The following PCTP variants were observed in gnomAD, a reference collection of about 807,000 sequenced individuals.
The protein encoded by PCTP is START domain-containing protein 2.
In PCTP, 27 loss-of-function variants were observed where a neutral mutation model predicts 31.0. The ratio of observed to expected loss-of-function variants is 0.87; its 90% CI spans 0.64 to 1.20. The LOEUF is 1.20. PCTP is among the 50% of genes most tolerant of loss of function. The pLI, the probability that PCTP is intolerant of heterozygous loss-of-function variation, is 0.00. For missense variants in PCTP, 287 were observed against 268.2 expected, an observed-to-expected ratio of 1.07 and a Z score of -0.49; for synonymous variants, 108 against 101.2, an observed-to-expected ratio of 1.07 and a Z score of -0.40.
intron 1 of PCTP, among the ~76,000 whole-genome samples, chr17:55,766,418 C>T (rs1221167539): frequency 8.3e-6 from 1 of 120,254 alleles, no homozygotes; most frequent in African/African-American, 3.2e-5. Flanking sequence ...CCCCTCCCCC[C>T]ACCCCACAAC....
intron 1 of PCTP, among the ~76,000 whole-genome samples, chr17:55,752,977 C>T (rs1196958630): frequency 6.6e-6 from 1 of 152,186 alleles, no homozygotes; most frequent in Non-Finnish European, 1.5e-5. Context: ...CTCCTGGGCT[C>T]AAGCAGTCCT....
At chr17:55,794,350 T>G (rs543004199) in intron 3 of PCTP, among the ~76,000 whole-genome samples, 15 of 152,056 alleles carry the variant, frequency 9.9e-5, no homozygotes, top group African/African-American at 3.4e-4. Flanking sequence ...TTATATGGAG[T>G]ATATTTATAT....
chr17:55,823,499 T>C (rs1284243452), downstream of PCTP, among the ~76,000 whole-genome samples: 1 of 152,218 alleles, frequency 6.6e-6, no homozygotes, highest in East Asian at 1.9e-4. Context: ...TTCTTCTCCC[T>C]GTCTTCTCAT....
chr17:55,828,515 C>T (rs1167505578), intron 5 of PCTP, among the ~76,000 whole-genome samples: 1 of 152,218 alleles, frequency 6.6e-6, no homozygotes, highest in Admixed American at 6.5e-5. Flanking sequence ...ATTTCCAAAT[C>T]TCCTCTTTTT....
intron 3 of PCTP, among the ~76,000 whole-genome samples, chr17:55,814,383 G>A (rs570346972): frequency 6.6e-6 from 1 of 152,196 alleles, no homozygotes; most frequent in African/African-American, 2.4e-5. Flanking sequence ...GGAGAACCAA[G>A]GTGAAAAAAT....
downstream of PCTP, among the ~76,000 whole-genome samples, chr17:55,824,975 A>G (rs1316567624): frequency 6.6e-6 from 1 of 152,206 alleles, no homozygotes; most frequent in Non-Finnish European, 1.5e-5. Flanking sequence ...GGGATCTGGG[A>G]GAAAAAATAA....
intron 1 of PCTP, among the ~76,000 whole-genome samples, chr17:55,754,306 C>T (rs181137582): frequency 6.1e-4 from 93 of 152,350 alleles, no homozygotes; most frequent in Non-Finnish European, 1.0e-3. Context: ...CCATGACCCC[C>T]TCCTTGGATT....
At chr17:55,787,125 C>T (rs1037963551) in intron 2 of PCTP, among the ~76,000 whole-genome samples, 4 of 151,516 alleles carry the variant, frequency 2.6e-5, no homozygotes, top group Non-Finnish European at 2.9e-5. Flanking sequence ...CTCCGAACAT[C>T]GATCGTCTTC....
intron 3 of PCTP, among the ~76,000 whole-genome samples, chr17:55,819,803 A>G (rs1190036090): frequency 2.0e-5 from 3 of 152,214 alleles, no homozygotes; most frequent in Non-Finnish European, 4.4e-5. Context: ...ATGGTGTTGT[A>G]CTGGCATGAG....
At chr17:55,751,394 C>G (rs777574086) in intron 1 of PCTP, 150 bp downstream of exon 1, 3 of 1,534,118 alleles carry the variant, frequency 2.0e-6, no homozygotes, top group Non-Finnish European at 2.6e-6. Context: ...GTCTCAAGCT[C>G]TGGAGCTAGC....
At chr17:55,763,820 C>A (rs1910478385) in intron 1 of PCTP, among the ~76,000 whole-genome samples, 2 of 151,990 alleles carry the variant, frequency 1.3e-5, no homozygotes, top group Admixed American at 6.6e-5. Context: ...TTGCTGAGAT[C>A]CTTTTTAAAA....
chr17:55,827,531 G>A (rs1905440485), downstream of PCTP, among the ~76,000 whole-genome samples: 2 of 152,196 alleles, frequency 1.3e-5, no homozygotes, highest in South Asian at 2.1e-4. Context: ...GTTACACAGC[G>A]TTAGCTGAAA....
At chr17:55,783,514 C>A (rs1161480067) in intron 2 of PCTP, among the ~76,000 whole-genome samples, 2 of 152,116 alleles carry the variant, frequency 1.3e-5, no homozygotes, top group Non-Finnish European at 2.9e-5. Flanking sequence ...CAATGGAAAC[C>A]AATCAGGACA....
chr17:55,781,031 T>A (rs1169945373), downstream of PCTP, among the ~76,000 whole-genome samples: 4 of 145,252 alleles, frequency 2.8e-5, no homozygotes, highest in East Asian at 6.0e-4. Flanking sequence ...AAAAAAAAAA[T>A]AGCAGCTTTG....
intron 5 of PCTP, among the ~76,000 whole-genome samples, chr17:55,828,803 T>G (rs1308770063): frequency 6.6e-6 from 1 of 152,124 alleles, no homozygotes; most frequent in Non-Finnish European, 1.5e-5. Flanking sequence ...GCGGGCCTAC[T>G]GAAAAGTGGG....
At chr17:55,851,881 T>C in the PCTP span, among the ~76,000 whole-genome samples, 3 of 152,320 alleles carry the variant, frequency 2.0e-5, no homozygotes, top group Admixed American at 2.0e-4. Flanking sequence ...AAAATCACTG[T>C]ATGTACTATC....
intron 5 of PCTP, among the ~76,000 whole-genome samples, chr17:55,831,355 G>A (rs1389682202): frequency 6.6e-6 from 1 of 152,140 alleles, no homozygotes; most frequent in Non-Finnish European, 1.5e-5. Context: ...TGAAGCAAAG[G>A]CACCACTTTG....
Position 55,813,791 on chromosome 17 carries a change from C to G in PCTP, c.318-8970C>G, listed in dbSNP as rs7216232. ...GGCATGGTGGCTCACGCCTGTAATC[C>G]TAGAACTTTGGGAGGCTGAGGCCAG... On this transcript the variant is annotated intron_variant, in intron 3 of 3. Transcript: ENST00000572536. Among the ~76,000 whole-genome samples the G allele has an allele frequency of 6.2e-3, 942 of 152,212 alleles. 13 individuals are homozygous for G. The highest frequency in any genetic ancestry group is 0.021 in the African/African-American group (876 of 41,524).
rs1422912445 is a variant in PCTP, at chr17:55,777,368, G to T, written c.*1268G>T. The T allele has an allele frequency of 1.0e-6, 1 of 984,642 alleles. No homozygotes were observed. Among genetic ancestry groups the T allele is most frequent in the Non-Finnish European group, 1.2e-6 (1 of 829,228 alleles). 61.0% of individuals were successfully genotyped at this position (984,642 alleles called of 1,614,324 possible). ...TTCTATAATGAATAAATATAGAGTG[G>T]TTTTTACTTGTCCTGTGTACCACTT... is the stretch of plus-strand genomic sequence containing the variant. On this transcript the variant is annotated 3_prime_UTR_variant, in exon 6 of 6. Coordinates refer to ENST00000268896, the MANE Select transcript of PCTP (RefSeq NM_021213.4).
Sources: allele counts gnomAD v4.1 joint callset (sites outside exome capture counted in the v4.1 genomes callset), GRCh38; gene constraint gnomAD v4.1.1; transcripts MANE v1.5; gene names NCBI Gene and HGNC (gene_info 2026-07-23, HGNC 2026-07-21).